The following SLC12A5 variants were observed in gnomAD, a reference collection of about 807,000 sequenced individuals.
The protein encoded by SLC12A5 is K-Cl cotransporter 2.
Under a neutral mutation model 124.0 loss-of-function variants are expected in SLC12A5, and 18 were observed. That is an observed-to-expected ratio of 0.15 (90% CI 0.10 to 0.22). The LOEUF is 0.22. Ranked by LOEUF, SLC12A5 falls within the 10% of genes least tolerant of loss-of-function variation. SLC12A5 has a pLI of 1.00. For missense variants in SLC12A5, 867 were observed against 1,478.7 expected (o/e 0.59, Z 6.78); for synonymous variants, 589 against 568.0 (o/e 1.04, Z -0.53).
In SLC12A5 at chr20:46,057,087, C is replaced by T; in HGVS notation, c.3126-83C>T. ...TTGCAAGAACCAGTCCCCAGCAGCC[C>T]AGTTCGGGCTGGAAGGGCGACTGGC... On this transcript the variant is annotated intron_variant, in intron 24 of 25. Coordinates refer to ENST00000243964, the MANE Select transcript of SLC12A5 (RefSeq NM_020708.5). This position sits in a 1 kb window ranked among gnomAD's most constrained non-coding sequence, Gnocchi z 7.1. 1 of 1,602,660 alleles carries T rather than the reference C, an allele frequency of 6.2e-7. No homozygotes were observed.
chr20:46,027,209 T>C (rs1405127914), upstream of SLC12A5, among the ~76,000 whole-genome samples: 1 of 152,212 alleles, frequency 6.6e-6, no homozygotes, highest in East Asian at 1.9e-4. Flanking sequence ...CTCACCCTTT[T>C]GGTGGTTTTT....
chr20:46,043,864 C>A lies in SLC12A5; in HGVS notation c.1337-12C>A. On this transcript the variant is annotated splice_polypyrimidine_tract_variant and intron_variant, in intron 10 of 25. Coordinates refer to ENST00000243964, the MANE Select transcript of SLC12A5 (RefSeq NM_020708.5). The stretch of plus-strand genomic sequence containing the variant: ...CTGAACCGTGGGGATTCTCCTTTAT[C>A]CTCTGCTGCAGACATCAGCTCCGTT... The A allele has an allele frequency of 1.2e-6, 2 of 1,613,774 alleles. No homozygotes were observed. Among genetic ancestry groups the A allele is most frequent in the East Asian group, 2.2e-5 (1 of 44,878 alleles).
chr20:46,059,644 T>C lies in SLC12A5; in HGVS notation c.*2039T>C. 2 of 399,092 alleles carry C rather than the reference T, an allele frequency of 5.0e-6. No homozygotes were observed. The highest frequency in any genetic ancestry group is 8.8e-6 in the Non-Finnish European group (2 of 226,072). The allele number at this position is 399,092 out of a possible 1,614,324, so 24.7% of individuals were successfully genotyped here. A position where few individuals can be genotyped will look rare whatever the true frequency, so the allele number is the denominator to read the frequency against. ...AAAGTTTCCGTTGATGAAACAGACA[T>C]CCCACAACAAAAACCCAAGTTTTCT... is the stretch of plus-strand genomic sequence containing the variant. On this transcript the variant is annotated 3_prime_UTR_variant, in exon 26 of 26. Transcript: ENST00000243964.
intron 21 of SLC12A5, among the ~76,000 whole-genome samples, chr20:46,055,397 A>T (rs960856114): frequency 1.3e-5 from 2 of 152,074 alleles, no homozygotes; most frequent in Admixed American, 1.3e-4. Context: ...TGGGTAACAG[A>T]TGGGTGTTTA....
intron 1 of SLC12A5, among the ~76,000 whole-genome samples, chr20:46,034,243 G>C (rs983035520): frequency 2.0e-5 from 3 of 152,114 alleles, no homozygotes; most frequent in Non-Finnish European, 4.4e-5. Flanking sequence ...TCATTCTTCA[G>C]CTCTCAGCGG....
Position 46,045,365 on chromosome 20 carries a change from G to A in SLC12A5, c.1569+225G>A, listed in dbSNP as rs182333045. On this transcript the variant is annotated intron_variant, in intron 12 of 25. Coordinates refer to ENST00000243964, the MANE Select transcript of SLC12A5 (RefSeq NM_020708.5). This position sits in a 1 kb window ranked among gnomAD's most constrained non-coding sequence, Gnocchi z 4.9. Reference sequence around the variant, plus strand: ...GGCATTGGGTGGTGCCCTGTCTGTGGCTTCTCCTTCACCCAGATGGAAGGA... The same window carrying A: ...GGCATTGGGTGGTGCCCTGTCTGTGACTTCTCCTTCACCCAGATGGAAGGA... Among the ~76,000 whole-genome samples, 1 of 152,286 alleles carries A rather than the reference G, an allele frequency of 6.6e-6. No homozygotes were observed.
intron 17 of SLC12A5, 48 bp from the exon 18 acceptor site, chr20:46,051,627 G>C: frequency 6.4e-7 from 1 of 1,557,544 alleles, no homozygotes; most frequent in Non-Finnish European, 8.7e-7. Context: ...GGCCCAGCCA[G>C]GGCCAGGGAG....
rs377173641 is a variant in SLC12A5, at chr20:46,056,334, C to A, written c.2911-31C>A. ...AGCAGAGCCCTTGGCCTCCAAAGGA[C>A]TCAACTGCCATCGCTTCATTCATCC... On this transcript the variant is annotated intron_variant, in intron 22 of 25. Transcript: ENST00000243964. This position sits in a 1 kb window ranked among gnomAD's most constrained non-coding sequence, Gnocchi z 4.3. 6.2e-7 allele frequency: 1 copy of A among 1,609,806 alleles called. No homozygotes were observed. Among genetic ancestry groups the A allele is most frequent in the Non-Finnish European group, 8.5e-7 (1 of 1,177,328 alleles).
intron 17 of SLC12A5, among the ~76,000 whole-genome samples, chr20:46,050,715 G>T (rs2084639514): frequency 6.6e-6 from 1 of 152,232 alleles, no homozygotes; most frequent in Non-Finnish European, 1.5e-5. Context: ...CGAGGCACAG[G>T]GGAGATGGAG....
intron 8 of SLC12A5, 60 bp downstream of exon 8, chr20:46,041,600 G>T: frequency 6.3e-7 from 1 of 1,582,816 alleles, no homozygotes; most frequent in East Asian, 2.2e-5. Context: ...AGGTTAAGCG[G>T]TCAGGATTAA....
In SLC12A5 at chr20:46,052,950, C is replaced by G. The variant is rs770528681; in HGVS notation, c.2378-7C>G. The G allele has an allele frequency of 6.2e-7, 1 of 1,604,808 alleles. No homozygotes were observed. Among genetic ancestry groups the G allele is most frequent in the East Asian group, 2.2e-5 (1 of 44,590 alleles). On this transcript the variant is annotated splice_region_variant and splice_polypyrimidine_tract_variant and intron_variant, in intron 18 of 25. Transcript: ENST00000243964. Reference sequence around the variant, plus strand: ...CCCCCTCTGGCCCTCTCCTTGGCCTCCCTCAGAGCTGGTCCGGGAAACCAC... The same window carrying G: ...CCCCCTCTGGCCCTCTCCTTGGCCTGCCTCAGAGCTGGTCCGGGAAACCAC...
In SLC12A5 at chr20:46,056,088, T is replaced by C. The variant is rs1188921953; in HGVS notation, c.2788-62T>C. Reference sequence around the variant, plus strand: ...GCTGAACATCATCTCTGGTGATAGCTCTTTGCAGGGCATGGGTGGTGACTC... The same window carrying C: ...GCTGAACATCATCTCTGGTGATAGCCCTTTGCAGGGCATGGGTGGTGACTC... On this transcript the variant is annotated intron_variant, in intron 21 of 25. Coordinates refer to ENST00000243964, the MANE Select transcript of SLC12A5 (RefSeq NM_020708.5). The surrounding 1 kb of genome is among the most constrained non-coding windows in gnomAD (Gnocchi z 4.3). 6.2e-7 allele frequency: 1 copy of C among 1,602,164 alleles called. No individual in the cohort carries two copies. Among genetic ancestry groups the C allele is most frequent in the Non-Finnish European group, 8.5e-7 (1 of 1,173,922 alleles).
In SLC12A5 at chr20:46,037,301, T is replaced by G. The variant is rs770465664; in HGVS notation, c.528T>G (p.Phe176Leu). 6.2e-7 allele frequency: 1 copy of G among 1,612,532 alleles called. No homozygotes were observed. The highest frequency in any genetic ancestry group is 1.7e-5 in the Admixed American group (1 of 59,824). ...TTTCCAGGTCTCTGGGCCCAGAGTT[T>G]GGGGGTGCCGTGGGCCTCTGCTTCT... ...YMISRSLGPE[F>L]GGAVGLCFYL... The change falls in exon 6 of 26, where the codon TTT (phenylalanine) becomes TTG (leucine). Residue 176 changes from phenylalanine to leucine, a missense_variant. Phe to Leu is a conservative substitution (Grantham distance 22). Around this residue, in one of 9 missense-constraint regions of SLC12A5, gnomAD observed 126 missense variants for 291.6 expected, o/e 0.43. Transcript: ENST00000243964.
chr20:46,031,669 C>T (rs1433489077), intron 1 of SLC12A5, among the ~76,000 whole-genome samples: 2 of 152,200 alleles, frequency 1.3e-5, no homozygotes, highest in Non-Finnish European at 2.9e-5. Context: ...TTCCCCCAGG[C>T]CCAGCCCCAG....
At chr20:46,030,138 T>C (rs534246099) in intron 1 of SLC12A5, among the ~76,000 whole-genome samples, 11 of 152,202 alleles carry the variant, frequency 7.2e-5, no homozygotes, top group African/African-American at 2.4e-4. Context: ...CGTGGGTTCC[T>C]ATTCAGGACG....
At position 46,057,272 on chromosome 20, in the gene SLC12A5, G is replaced by A. The variant is rs767829797; in HGVS notation, c.3228G>A (p.Gly1076=). 11 of 1,614,222 alleles carry A rather than the reference G, an allele frequency of 6.8e-6. No homozygotes were observed. In the Admixed American group the frequency reaches 1.8e-4, roughly 27 times the overall value. The change falls in exon 25 of 26, where the codon GGG becomes GGA. Residue 1076 remains glycine, a synonymous_variant. Coordinates refer to ENST00000243964, the MANE Select transcript of SLC12A5 (RefSeq NM_020708.5). This position sits in a 1 kb window ranked among gnomAD's most constrained non-coding sequence, Gnocchi z 7.1. The part of the protein sequence containing the change: ...DAKLVLLNMP[G]PPRNRNGDEN... Reference sequence around the variant, plus strand: ...AGCTTGTTTTGCTCAACATGCCTGGGCCTCCCCGCAACCGCAATGGTGATG... The same window carrying A: ...AGCTTGTTTTGCTCAACATGCCTGGACCTCCCCGCAACCGCAATGGTGATG...
In SLC12A5 at chr20:46,051,551, AG is replaced by A; in HGVS notation, c.2182-123del. 2.3e-6 allele frequency: 2 copies of A among 852,654 alleles called. 1 individual carries two copies. Among genetic ancestry groups the A allele is most frequent in the South Asian group, 3.6e-5 (2 of 56,014 alleles). The allele number at this position is 852,654 out of a possible 1,614,324, so 52.8% of individuals were successfully genotyped here. ...TCTGGAGCCAGAGACTGACGTGATC[AG>A]AGCTGAGCTTCAGGAAGATTGGGAT... On this transcript the variant is annotated intron_variant, in intron 17 of 25. Transcript: ENST00000243964.
In SLC12A5 at chr20:46,044,657, TAGG is replaced by T. The variant is rs756624270; in HGVS notation, c.1395-305_1395-303del. The T allele has an allele frequency of 6.5e-4, 250 of 383,086 alleles. 1 individual carries two copies. The highest frequency in any genetic ancestry group is 1.0e-3 in the Non-Finnish European group (217 of 208,900). 23.7% of individuals were successfully genotyped at this position (383,086 alleles called of 1,614,324 possible). On this transcript the variant is annotated intron_variant, in intron 11 of 25. Transcript: ENST00000243964. ...AGCACACACAACTGGCCGGGTGGTG[TAGG>T]AGGTCCTCTCAGAATCACTTTCCAC...
Position 46,053,169 on chromosome 20 carries a change from T to C in SLC12A5, c.2547+43T>C. ...GTGTATGCACGTGTGAGTGTGTGTATGCATGTATGCATTTGTGTGCATATG... is the reference window on the plus strand; with the variant it reads ...GTGTATGCACGTGTGAGTGTGTGTACGCATGTATGCATTTGTGTGCATATG... On this transcript the variant is annotated intron_variant, in intron 19 of 25. Transcript: ENST00000243964. The surrounding 1 kb of genome is among the most constrained non-coding windows in gnomAD (Gnocchi z 4.7). 1 of 1,576,682 alleles carries C rather than the reference T, an allele frequency of 6.3e-7. No individual in the cohort carries two copies.
Sources: allele counts gnomAD v4.1 joint callset (sites outside exome capture counted in the v4.1 genomes callset), GRCh38; gene constraint gnomAD v4.1.1; regional missense constraint gnomAD v4.1.1; non-coding constraint Gnocchi (gnomAD v3.1); transcripts MANE v1.5; gene names NCBI Gene and HGNC (gene_info 2026-07-23, HGNC 2026-07-21).